UGGT2: variants seen among roughly 807,000 people sequenced by gnomAD.
UGGT2 encodes UDP-glucose:glycoprotein glucosyltransferase 2.
Under a neutral mutation model 192.1 loss-of-function variants are expected in UGGT2, and 180 were observed. The ratio of observed to expected loss-of-function variants is 0.94; its 90% CI spans 0.83 to 1.06. The LOEUF is 1.06. Ranked by LOEUF, UGGT2 falls within the 50% of genes least tolerant of loss-of-function variation. UGGT2 has a pLI of 0.00. For missense variants in UGGT2, 1,849 were observed against 1,795.7 expected (o/e 1.03, Z -0.54); for synonymous variants, 580 against 591.0 (o/e 0.98, Z 0.27).
intron 36 of UGGT2, among the ~76,000 whole-genome samples, chr13:95,838,067 A>C (rs1566569396): frequency 6.6e-6 from 1 of 152,218 alleles, no homozygotes; most frequent in African/African-American, 2.4e-5. Flanking sequence ...CCAAGAATCA[A>C]GGGAAAAAAC....
chr13:95,848,947 A>G (rs1888747050), intron 36 of UGGT2, among the ~76,000 whole-genome samples: 1 of 152,082 alleles, frequency 6.6e-6, no homozygotes, highest in African/African-American at 2.4e-5. Context: ...GTGTTCTTGA[A>G]TTTCTTTCAT....
chr13:95,859,515 T>G, intron 33 of UGGT2, 76 bp downstream of exon 33: 1 of 1,159,854 alleles, frequency 8.6e-7, no homozygotes, highest in Non-Finnish European at 1.2e-6. Flanking sequence ...AAGAGAAATA[T>G]CATATAAACT....
At chr13:96,032,761 A>G (rs781600858) in intron 1 of UGGT2, among the ~76,000 whole-genome samples, 16 of 152,364 alleles carry the variant, frequency 1.1e-4, no homozygotes, top group Non-Finnish European at 2.4e-4. Flanking sequence ...AATGCTTAAA[A>G]TAAATGGAAA....
chr13:95,986,232 A>C, intron 9 of UGGT2, 101 bp downstream of exon 9: 1 of 806,124 alleles, frequency 1.2e-6, no homozygotes, highest in Non-Finnish European at 2.0e-6. Context: ...ATATACTAGA[A>C]CTAATTGACA....
chr13:95,856,284 A>G lies in UGGT2; in HGVS notation c.3882T>C (p.Tyr1294=), dbSNP rs757722120. ...EYGFRYELVQ[Y]RWPRWLRQQT... is the part of the protein sequence containing the mutation. ...GTTGACGAAGCCAACGGGGCCACCT[A>G]TATTGAACTAGTTCATATCGGAATC... Residue 1294 remains tyrosine, a synonymous_variant, in exon 34 of 39, where the codon TAT becomes TAC. Transcript: ENST00000376747. 1.9e-6 allele frequency: 3 copies of G among 1,613,456 alleles called. No homozygotes were observed. Among genetic ancestry groups the G allele is most frequent in the South Asian group, 1.1e-5 (1 of 91,028 alleles).
intron 36 of UGGT2, among the ~76,000 whole-genome samples, chr13:95,842,920 A>G (rs1205371741): frequency 6.6e-6 from 1 of 152,256 alleles, no homozygotes; most frequent in Non-Finnish European, 1.5e-5. Context: ...ACAATGAAGC[A>G]GAACACTGAG....
intron 15 of UGGT2, among the ~76,000 whole-genome samples, chr13:95,944,883 A>T (rs532866305): frequency 2.0e-4 from 30 of 152,074 alleles, no homozygotes; most frequent in African/African-American, 6.5e-4. Context: ...TTCACCTATT[A>T]AAAAATGTTG....
chr13:95,879,834 T>C (rs1357265203), intron 27 of UGGT2, among the ~76,000 whole-genome samples: 2 of 152,224 alleles, frequency 1.3e-5, no homozygotes, highest in East Asian at 3.8e-4. Flanking sequence ...GTTTTAAATA[T>C]TAATTGTTGA....
At chr13:95,820,531 T>C (rs1885402096) in intron 38 of UGGT2, among the ~76,000 whole-genome samples, 1 of 152,150 alleles carries the variant, frequency 6.6e-6, no homozygotes, top group Admixed American at 6.6e-5. Context: ...GGCAAAAATA[T>C]TTAGACATTA....
rs886618825 is a variant in UGGT2 at position 95,820,744 on chromosome 13, C to G, written c.4528+12183G>C. The stretch of plus-strand genomic sequence containing the variant: ...TGTATCTAATATGCAGTCTTTTATC[C>G]CTCACTCCCTTTTCCCTCCTTCTGC... On this transcript the variant is annotated intron_variant, in intron 38 of 38. Transcript: ENST00000376747. 5.7e-4 allele frequency among the ~76,000 whole-genome samples: 86 copies of G among 151,268 alleles called. 1 individual carries two copies. Among genetic ancestry groups the G allele is most frequent in the African/African-American group, 1.9e-3 (79 of 41,100 alleles).
At position 95,890,891 on chromosome 13, in the gene UGGT2, C is replaced by T; in HGVS notation, c.2929G>A (p.Glu977Lys). ...VIAIVDPLTREAQKMAQLLVV... is the reference protein window; with the variant it reads ...VIAIVDPLTRKAQKMAQLLVV... ...AACAACTGTGCCATTTTCTGTGCTT[C>T]TCTTGTTAATGGATCAACAATAGCA... The change falls in exon 25 of 39, where the codon GAA becomes AAA. Residue 977 changes from glutamate to lysine, a missense_variant. Glu to Lys is a moderately conservative substitution (Grantham distance 56, BLOSUM62 1). Coordinates refer to ENST00000376747, the MANE Select transcript of UGGT2 (RefSeq NM_020121.4). The T allele has an allele frequency of 6.2e-7, 1 of 1,612,876 alleles. No homozygotes were observed. The highest frequency in any genetic ancestry group is 8.5e-7 in the Non-Finnish European group (1 of 1,179,412).
At chr13:96,007,358 A>G (rs1050082965) in intron 5 of UGGT2, among the ~76,000 whole-genome samples, 1 of 152,200 alleles carries the variant, frequency 6.6e-6, no homozygotes, top group African/African-American at 2.4e-5. Flanking sequence ...GGAAACAGGG[A>G]ATAATTGAAA....
In UGGT2 at chr13:96,053,204, C is replaced by T; in HGVS notation, c.109G>A (p.Ala37Thr). The T allele has an allele frequency of 6.5e-7, 1 of 1,531,044 alleles. No individual in the cohort carries two copies. Among genetic ancestry groups the T allele is most frequent in the South Asian group, 1.2e-5 (1 of 82,768 alleles). The allele number at this position is 1,531,044 out of a possible 1,614,324, so 94.8% of individuals were successfully genotyped here. A position where few individuals can be genotyped will look rare whatever the true frequency, so the allele number is the denominator to read the frequency against. The change falls in exon 1 of 39, where the codon GCC becomes ACC. Residue 37 changes from alanine to threonine, a missense_variant. Physicochemically the swap from Ala to Thr is moderately conservative, Grantham distance 58. Coordinates refer to ENST00000376747, the MANE Select transcript of UGGT2 (RefSeq NM_020121.4). ...GTVAASKSVT[A>T]HLAAKWPETP... is the part of the protein sequence containing the mutation. ...TCGGGCCACTTCGCGGCCAAGTGGG[C>T]AGTCACCGACTTGGACGCGGCGACC... is the stretch of plus-strand genomic sequence containing the variant.
chr13:96,028,740 A>G (rs1038521049), intron 2 of UGGT2, among the ~76,000 whole-genome samples: 14 of 152,230 alleles, frequency 9.2e-5, no homozygotes, highest in African/African-American at 3.1e-4. Context: ...GACATGCTTT[A>G]GTAAAGAGTA....
chr13:95,989,362 AG>A (rs1420600605), intron 8 of UGGT2, among the ~76,000 whole-genome samples: 7 of 152,170 alleles, frequency 4.6e-5, no homozygotes, highest in African/African-American at 1.7e-4. Flanking sequence ...GACAAAAGTT[AG>A]ATTATGCAGA....
chr13:96,039,319 AGT>A (rs1290961026), intron 1 of UGGT2, among the ~76,000 whole-genome samples: 1 of 152,196 alleles, frequency 6.6e-6, no homozygotes, highest in Admixed American at 6.5e-5. Flanking sequence ...CCAAGCTGAC[AGT>A]GTTTCTAATA....
At chr13:95,990,137 A>T (rs959521358) in intron 7 of UGGT2, 64 bp from the exon 8 acceptor site, 1 of 1,011,964 alleles carries the variant, frequency 9.9e-7, no homozygotes, top group African/African-American at 1.6e-5. Context: ...TACAAACAGC[A>T]TATTTTTGAA....
At chr13:95,828,423 G>A (rs1365656164) in intron 38 of UGGT2, among the ~76,000 whole-genome samples, 1 of 152,030 alleles carries the variant, frequency 6.6e-6, no homozygotes, top group Non-Finnish European at 1.5e-5. Context: ...CAGACCGCTA[G>A]CAAGGCTAAT....
At chr13:96,027,292 A>G (rs2052698440) in intron 2 of UGGT2, among the ~76,000 whole-genome samples, 1 of 152,212 alleles carries the variant, frequency 6.6e-6, no homozygotes, top group Non-Finnish European at 1.5e-5. Flanking sequence ...CAAGGTCACC[A>G]TCAAGGTTGT....
Sources: gnomAD v4.1 joint callset for allele counts (sites outside exome capture counted in the v4.1 genomes callset) on GRCh38, gnomAD v4.1.1 for gene constraint, MANE v1.5 for transcripts, NCBI Gene and HGNC (gene_info 2026-07-23, HGNC 2026-07-21) for gene names.